PHACTR1: variants seen among roughly 807,000 people sequenced by gnomAD.
The protein encoded by PHACTR1 is RPEL repeat containing 1.
In PHACTR1, 16 loss-of-function variants were observed where a neutral mutation model predicts 69.2. The observed-to-expected ratio is 0.23, with a 90% confidence interval of 0.16 to 0.35. PHACTR1 has a LOEUF of 0.35. Ranked by LOEUF, PHACTR1 falls within the 10% of genes least tolerant of loss-of-function variation. The pLI, the probability that PHACTR1 is intolerant of heterozygous loss-of-function variation, is 1.00. For missense variants in PHACTR1, 510 were observed against 734.7 expected, an observed-to-expected ratio of 0.69 and a Z score of 3.54; for synonymous variants, 312 against 284.5, an observed-to-expected ratio of 1.10 and a Z score of -0.97.
At position 12,979,616 on chromosome 6, in the gene PHACTR1, T is replaced by G. The variant is rs562519256; in HGVS notation, c.251-73749T>G. Among the ~76,000 whole-genome samples the G allele has an allele frequency of 5.3e-5, 8 of 152,216 alleles. No individual in the cohort carries two copies. The East Asian group carries it at 1.2e-3, about 22-fold the overall frequency. On this transcript the variant is annotated intron_variant, in intron 4 of 14. Transcript: ENST00000332995. ...TTGTTTTGGTGTAACTTTGTAGCAT[T>G]GTGAGCCTCACACACAGGCATTATT...
intron 5 of PHACTR1, among the ~76,000 whole-genome samples, chr6:13,083,366 A>C (rs2127803190): frequency 6.6e-6 from 1 of 152,296 alleles, no homozygotes; most frequent in Middle Eastern, 3.4e-3. Context: ...TATAGCTTGA[A>C]GTCAGGTAGC....
chr6:12,859,556 A>G (rs1200890697), intron 4 of PHACTR1, among the ~76,000 whole-genome samples: 1 of 152,198 alleles, frequency 6.6e-6, no homozygotes, highest in Non-Finnish European at 1.5e-5. Flanking sequence ...TATGCAGGTA[A>G]AAGTCCAGAG....
At chr6:12,879,233 G>A (rs543054264) in intron 4 of PHACTR1, among the ~76,000 whole-genome samples, 8 of 152,158 alleles carry the variant, frequency 5.3e-5, no homozygotes, top group East Asian at 1.9e-4. Context: ...TGGTGCAGAC[G>A]GGGAAAGGAT....
At chr6:12,903,544 G>A (rs375498053) in intron 4 of PHACTR1, among the ~76,000 whole-genome samples, 1 of 152,210 alleles carries the variant, frequency 6.6e-6, no homozygotes, top group Non-Finnish European at 1.5e-5. Flanking sequence ...AGCACATTGG[G>A]TGCAATTCTC....
intron 3 of PHACTR1, among the ~76,000 whole-genome samples, chr6:12,729,471 C>T (rs1224539741): frequency 6.6e-6 from 1 of 152,098 alleles, no homozygotes; most frequent in Non-Finnish European, 1.5e-5. Flanking sequence ...CATGAACAGG[C>T]ATGGGAAGAG....
At chr6:12,849,305 C>T (rs1639898886) in intron 4 of PHACTR1, among the ~76,000 whole-genome samples, 1 of 152,162 alleles carries the variant, frequency 6.6e-6, no homozygotes, top group Admixed American at 6.5e-5. Flanking sequence ...GTGGTGAGGT[C>T]CCACGTCGGT....
chr6:12,749,717 C>T lies in PHACTR1; in HGVS notation c.177C>T (p.Pro59=). 1 of 1,612,406 alleles carries T rather than the reference C, an allele frequency of 6.2e-7. No individual in the cohort carries two copies. Among genetic ancestry groups the T allele is most frequent in the Non-Finnish European group, 8.5e-7 (1 of 1,179,678 alleles). ...CGGAGGATGATATAGACCGGCGGCC[C>T]ATCCGGAGAGTGCGCTCCAAGAGCG... The part of the protein sequence containing the change: ...ASSEDDIDRR[P]IRRVRSKSDT... Residue 59 remains proline (P), a synonymous_variant, in exon 4 of 15, where the codon CCC becomes CCT. Coordinates refer to ENST00000332995, the MANE Select transcript of PHACTR1 (RefSeq NM_030948.6).
intron 4 of PHACTR1, among the ~76,000 whole-genome samples, chr6:12,918,324 T>C (rs1254863920): frequency 6.6e-6 from 1 of 152,196 alleles, no homozygotes; most frequent in African/African-American, 2.4e-5. Context: ...TTTCCATTAC[T>C]CTTTTTGAAC....
chr6:13,076,238 T>TAGAACAAA (rs1810450401), intron 5 of PHACTR1, among the ~76,000 whole-genome samples: 1 of 152,146 alleles, frequency 6.6e-6, no homozygotes. Context: ...CAGCCAATAA[T>TAGAACAAA]TACAGGGCTG....
chr6:12,724,293 C>T (rs1762511474), intron 3 of PHACTR1, among the ~76,000 whole-genome samples: 1 of 152,088 alleles, frequency 6.6e-6, no homozygotes, highest in South Asian at 2.1e-4. Context: ...CACCATTGCA[C>T]TCCAGCCTGG....
chr6:12,837,537 T>C (rs544335052), intron 4 of PHACTR1, among the ~76,000 whole-genome samples: 10 of 152,290 alleles, frequency 6.6e-5, no homozygotes, highest in Non-Finnish European at 1.3e-4. Context: ...ATCTTTTCCA[T>C]TCTACTTCTG....
rs180761602 is a variant in PHACTR1 at position 12,821,862 on chromosome 6, C to T, written c.250+72072C>T. ...AGGTCACACAAACTGGTCCAGATTC[C>T]GCCCAGATATGTGAGCAAATGACTT... On this transcript the variant is annotated intron_variant, in intron 4 of 14. Coordinates refer to ENST00000332995, the MANE Select transcript of PHACTR1 (RefSeq NM_030948.6). 1.5e-4 allele frequency among the ~76,000 whole-genome samples: 23 copies of T among 152,284 alleles called. No individual in the cohort carries two copies. In the South Asian group the frequency reaches 3.7e-3, roughly 25 times the overall value.
At chr6:12,984,797 C>T (rs1007385743) in intron 4 of PHACTR1, among the ~76,000 whole-genome samples, 12 of 151,876 alleles carry the variant, frequency 7.9e-5, no homozygotes, top group African/African-American at 1.7e-4. Context: ...AAAAGCAAAC[C>T]GTCTAATGAT....
intron 4 of PHACTR1, among the ~76,000 whole-genome samples, chr6:12,847,379 A>T (rs1339734059): frequency 2.0e-5 from 3 of 152,212 alleles, no homozygotes; most frequent in African/African-American, 7.2e-5. Context: ...GACAAAAGAG[A>T]TGAGTCAAAA....
intron 4 of PHACTR1, among the ~76,000 whole-genome samples, chr6:12,766,393 A>C (rs756991208): frequency 1.3e-5 from 2 of 152,224 alleles, no homozygotes; most frequent in Non-Finnish European, 2.9e-5. Context: ...TGTGTCCTAC[A>C]GAACTCTGAG....
At chr6:13,078,997 A>AT (rs914019917) in intron 5 of PHACTR1, among the ~76,000 whole-genome samples, 3 of 152,218 alleles carry the variant, frequency 2.0e-5, no homozygotes, top group African/African-American at 7.2e-5. Context: ...CCCAAACTTA[A>AT]TTTTTTTTCT....
At chr6:12,911,089 C>G (rs758182921) in intron 4 of PHACTR1, among the ~76,000 whole-genome samples, 75 of 152,188 alleles carry the variant, frequency 4.9e-4, no homozygotes, top group Non-Finnish European at 1.3e-4. Context: ...AGTTTGCAAG[C>G]CAATCCCCTA....
intron 4 of PHACTR1, among the ~76,000 whole-genome samples, chr6:12,986,527 T>TC (rs1386674864): frequency 6.6e-6 from 1 of 152,094 alleles, no homozygotes. Context: ...CGTTCATTAT[T>TC]CCCCCCAGTG....
At chr6:12,813,008 C>T (rs1775196322) in intron 4 of PHACTR1, among the ~76,000 whole-genome samples, 1 of 152,136 alleles carries the variant, frequency 6.6e-6, no homozygotes. Context: ...ATAATTAATT[C>T]ATTAGGCCAA....
Sources: gnomAD v4.1 joint callset for allele counts (sites outside exome capture counted in the v4.1 genomes callset) on GRCh38, gnomAD v4.1.1 for gene constraint, MANE v1.5 for transcripts, NCBI Gene and HGNC (gene_info 2026-07-23, HGNC 2026-07-21) for gene names.